RBM47: variants seen among roughly 807,000 people sequenced by gnomAD.
RBM47 encodes the protein RNA binding motif protein 47.
A neutral mutation model predicts 47.1 loss-of-function variants in RBM47; 21 were observed. The ratio of observed to expected loss-of-function variants is 0.45; its 90% CI spans 0.32 to 0.64. The LOEUF is 0.64. Among genes scored for constraint, RBM47 ranks in the 30% least tolerant of loss-of-function variants. The pLI, the probability that RBM47 is intolerant of heterozygous loss-of-function variation, is 0.05. For synonymous variants in RBM47, 375 were observed against 361.7 expected (o/e 1.04, Z -0.42); for missense variants, 708 against 870.9 (o/e 0.81, Z 2.35).
intron 1 of RBM47, among the ~76,000 whole-genome samples, chr4:40,592,455 G>A (rs180671092): frequency 4.2e-5 from 6 of 141,634 alleles, no homozygotes; most frequent in South Asian, 4.4e-4. Flanking sequence ...ACAGAGTTTC[G>A]CTCTTGTTGC....
chr4:40,518,158 CTTTTTTTTTTT>C (rs530465415), intron 2 of RBM47, among the ~76,000 whole-genome samples: 13 of 70,692 alleles, frequency 1.8e-4, no homozygotes, highest in Non-Finnish European at 3.0e-4. Flanking sequence ...CTTTTCTTTT[CTTTTTTTTTTT>C]TTTTTTTTTT....
intron 2 of RBM47, among the ~76,000 whole-genome samples, chr4:40,477,511 GTC>G (rs1376307409): frequency 4.6e-5 from 7 of 152,152 alleles, no homozygotes; most frequent in African/African-American, 1.7e-4. Flanking sequence ...GACTCAGAAA[GTC>G]TGTTTTTCTA....
chr4:40,491,774 A>G (rs569807315), intron 2 of RBM47: 26 of 204,548 alleles, frequency 1.3e-4, no homozygotes, highest in South Asian at 8.9e-4. Flanking sequence ...GCATCGCAAT[A>G]AGATGCACAC....
At chr4:40,517,453 A>T (rs1725715212) in intron 2 of RBM47, among the ~76,000 whole-genome samples, 1 of 152,098 alleles carries the variant, frequency 6.6e-6, no homozygotes, top group Non-Finnish European at 1.5e-5. Flanking sequence ...TCCTTTCTAG[A>T]TCACCAGAAC....
At chr4:40,506,860 C>A (rs976789598) in intron 2 of RBM47, among the ~76,000 whole-genome samples, 1 of 152,164 alleles carries the variant, frequency 6.6e-6, no homozygotes, top group Admixed American at 6.5e-5. Flanking sequence ...CTTGGTCAGG[C>A]GTGGTGGCTC....
In RBM47 at chr4:40,438,063, GACGCGCTCC is replaced by G; in HGVS notation, c.822_830del (p.Glu275_Val277del). 1 of 1,613,814 alleles carries G rather than the reference GACGCGCTCC, an allele frequency of 6.2e-7. No individual in the cohort carries two copies. Among genetic ancestry groups the G allele is most frequent in the Non-Finnish European group, 8.5e-7 (1 of 1,180,008 alleles). On this transcript the variant is annotated inframe_deletion, in exon 4 of 7. Transcript: ENST00000295971. ...CGAAGGCGTAGTCGCGGATCTTCTTGACGCGCTCCACGCAGCCGGGGTTGAACTGGCCGA... is the reference window on the plus strand; with the variant it reads ...CGAAGGCGTAGTCGCGGATCTTCTTGACGCAGCCGGGGTTGAACTGGCCGA...
chr4:40,455,676 G>C (rs1051616169), intron 3 of RBM47: 1 of 152,156 alleles, frequency 6.6e-6, no homozygotes, highest in African/African-American at 2.4e-5. Context: ...CTTCAGCCTA[G>C]GAGGTTAAGG....
At chr4:40,468,120 C>A (rs143381784) in intron 2 of RBM47, among the ~76,000 whole-genome samples, 90 of 152,082 alleles carry the variant, frequency 5.9e-4, no homozygotes, top group Admixed American at 5.9e-4. Context: ...ACCCTGTTAC[C>A]GCTAAAAATA....
intron 5 of RBM47, among the ~76,000 whole-genome samples, 189 bp from the exon 6 acceptor site, chr4:40,433,051 C>G (rs1037335657): frequency 1.3e-5 from 2 of 152,104 alleles, no homozygotes; most frequent in African/African-American, 4.8e-5. Flanking sequence ...GCCTCAATCT[C>G]TTGGCCTCAA....
chr4:40,492,746 C>T (rs1722053274), intron 2 of RBM47, among the ~76,000 whole-genome samples: 1 of 151,592 alleles, frequency 6.6e-6, no homozygotes, highest in Non-Finnish European at 1.5e-5. Flanking sequence ...CTTCCCTGGT[C>T]CCTGTTCACT....
At chr4:40,489,096 C>G (rs1003929031) in intron 2 of RBM47, among the ~76,000 whole-genome samples, 9 of 152,130 alleles carry the variant, frequency 5.9e-5, no homozygotes, top group Non-Finnish European at 8.8e-5. Flanking sequence ...CTGTATGCCC[C>G]CCTCATGTAT....
At chr4:40,612,041 T>C (rs7674162) in intron 1 of RBM47, among the ~76,000 whole-genome samples, 1,546 of 152,180 alleles carry the variant, frequency 0.01, 29 homozygotes, top group African/African-American at 0.035. Flanking sequence ...GAATGAAGGG[T>C]CAAGAGCGTT....
At chr4:40,586,700 C>T (rs188870157) in intron 1 of RBM47, among the ~76,000 whole-genome samples, 317 of 151,306 alleles carry the variant, frequency 2.1e-3, no homozygotes, top group Non-Finnish European at 3.8e-3. Flanking sequence ...CGCTGGCCAA[C>T]GAGAAGGTGG....
At chr4:40,537,528 A>G (rs1324330567) in intron 2 of RBM47, among the ~76,000 whole-genome samples, 2 of 150,476 alleles carry the variant, frequency 1.3e-5, no homozygotes, top group Admixed American at 1.3e-4. Context: ...CTGGGATTCC[A>G]GGCGTGAGCC....
chr4:40,495,890 G>A (rs1019424986), intron 2 of RBM47, among the ~76,000 whole-genome samples: 58 of 152,128 alleles, frequency 3.8e-4, no homozygotes, highest in Admixed American at 3.7e-3. Flanking sequence ...CCTCACGTTC[G>A]TGGAGAGAAC....
intron 1 of RBM47, among the ~76,000 whole-genome samples, chr4:40,600,909 C>T (rs1475466320): frequency 1.5e-5 from 2 of 134,902 alleles, no homozygotes; most frequent in Non-Finnish European, 3.1e-5. Flanking sequence ...CGCTTGAACC[C>T]GGGAGGCGGA....
At chr4:40,592,530 T>G (rs1301825750) in intron 1 of RBM47, among the ~76,000 whole-genome samples, 2 of 151,686 alleles carry the variant, frequency 1.3e-5, no homozygotes, top group Non-Finnish European at 2.9e-5. Flanking sequence ...GTTCAAGCAA[T>G]TCTTCTGCCC....
At chr4:40,547,359 T>C (rs1382548951) in intron 1 of RBM47, among the ~76,000 whole-genome samples, 1 of 152,140 alleles carries the variant, frequency 6.6e-6, no homozygotes, top group Non-Finnish European at 1.5e-5. Context: ...AGTGTCTTCA[T>C]AAGAAGAGGA....
chr4:40,560,240 A>G (rs1017234968), intron 1 of RBM47, among the ~76,000 whole-genome samples: 19 of 152,198 alleles, frequency 1.2e-4, no homozygotes, highest in Non-Finnish European at 2.5e-4. Flanking sequence ...ACTCCATGAA[A>G]AGTGCAGAAA....
Sources: allele counts gnomAD v4.1 joint callset (sites outside exome capture counted in the v4.1 genomes callset), GRCh38; gene constraint gnomAD v4.1.1; transcripts MANE v1.5; gene names NCBI Gene and HGNC (gene_info 2026-07-23, HGNC 2026-07-21).